PCDHA1: variants seen among roughly 807,000 people sequenced by gnomAD.
PCDHA1 encodes protocadherin alpha-1.
In PCDHA1, 42 loss-of-function variants were observed where a neutral mutation model predicts 61.3. That is an observed-to-expected ratio of 0.69 (90% CI 0.54 to 0.89). The LOEUF is 0.89. Ranked by LOEUF, PCDHA1 falls within the 40% of genes least tolerant of loss-of-function variation. The pLI, the probability that PCDHA1 is intolerant of heterozygous loss-of-function variation, is 0.00. For synonymous variants in PCDHA1, 610 were observed against 553.8 expected (o/e 1.10, Z -1.43); for missense variants, 1,256 against 1,235.3 (o/e 1.02, Z -0.25).
chr5:140,819,945 T>C (rs1197937432), intron 1 of PCDHA1, among the ~76,000 whole-genome samples: 1 of 152,020 alleles, frequency 6.6e-6, no homozygotes, highest in East Asian at 1.9e-4. Flanking sequence ...GCCTTTTAAA[T>C]ACTTAATATT....
At chr5:140,876,637 C>G (rs1554168755) in intron 1 of PCDHA1, 1 of 1,614,088 alleles carries the variant, frequency 6.2e-7, no homozygotes, top group Non-Finnish European at 8.5e-7. Flanking sequence ...CATCTGCTCA[C>G]TGACACCTCA....
chr5:140,842,484 C>T (rs2150337219), intron 1 of PCDHA1: 2 of 1,613,924 alleles, frequency 1.2e-6, no homozygotes, highest in East Asian at 2.2e-5. Context: ...GTGACCTGCT[C>T]CCTGATGCCC....
intron 1 of PCDHA1, chr5:140,850,480 C>A: frequency 6.3e-7 from 1 of 1,597,900 alleles, no homozygotes; most frequent in African/African-American, 1.3e-5. Context: ...CTGACGGCCA[C>A]GGCCACTGTG....
At chr5:140,809,308 G>C in intron 1 of PCDHA1, 6 of 1,614,122 alleles carry the variant, frequency 3.7e-6, no homozygotes, top group Non-Finnish European at 4.2e-6. Flanking sequence ...TCTGCGCGGT[G>C]TCCAGCCTTT....
chr5:140,820,670 A>G (rs2150107563), intron 1 of PCDHA1, among the ~76,000 whole-genome samples: 62 of 152,214 alleles, frequency 4.1e-4, no homozygotes, highest in Admixed American at 2.8e-3. Flanking sequence ...TAATATAAAG[A>G]TAGCCTGGTT....
Position 140,801,018 on chromosome 5 carries a change from A to G in PCDHA1, c.2394+12334A>G. On this transcript the variant is annotated intron_variant, in intron 1 of 3. Transcript: ENST00000504120. ...GTTTAGCCACATGATGTCGCTGTCCACCACAAGGTCTTTCTCCACAAAAGA... is the reference window on the plus strand; with the variant it reads ...GTTTAGCCACATGATGTCGCTGTCCGCCACAAGGTCTTTCTCCACAAAAGA... 2 of 1,417,238 alleles carry G rather than the reference A, an allele frequency of 1.4e-6. 1 individual carries two copies. The highest frequency in any genetic ancestry group is 1.8e-6 in the Non-Finnish European group (2 of 1,090,858). 87.8% of individuals were successfully genotyped at this position (1,417,238 alleles called of 1,614,324 possible). A position where few individuals can be genotyped will look rare whatever the true frequency, so the allele number is the denominator to read the frequency against.
chr5:140,827,936 C>G, intron 1 of PCDHA1: 1 of 1,115,138 alleles, frequency 9.0e-7, no homozygotes, highest in Non-Finnish European at 1.3e-6. Context: ...GAAGTTATAG[C>G]TAGCCAACAT....
intron 1 of PCDHA1, chr5:140,876,926 A>C (rs782589579): frequency 6.2e-7 from 1 of 1,613,842 alleles, no homozygotes; most frequent in East Asian, 2.2e-5. Context: ...GCGGACGCGC[A>C]GAAGAACGCG....
intron 1 of PCDHA1, among the ~76,000 whole-genome samples, chr5:140,920,866 A>G (rs1584205398): frequency 6.6e-6 from 1 of 151,760 alleles, no homozygotes; most frequent in African/African-American, 2.4e-5. Context: ...AAACAAACAA[A>G]CTGTGGCCCT....
chr5:140,801,905 C>G (rs1389986057), intron 1 of PCDHA1: 1 of 1,614,020 alleles, frequency 6.2e-7, no homozygotes, highest in Non-Finnish European at 8.5e-7. Context: ...TAGATGTAAA[C>G]GACAACGCCC....
chr5:140,847,960 C>T (rs1781264454), intron 1 of PCDHA1: 1 of 152,930 alleles, frequency 6.5e-6, no homozygotes. Context: ...ACACTAGAAT[C>T]CTATTTCGAG....
intron 1 of PCDHA1, chr5:140,870,906 C>T (rs201710263): frequency 1.2e-6 from 2 of 1,613,948 alleles, no homozygotes; most frequent in African/African-American, 2.7e-5. Flanking sequence ...CGGACTCAGG[C>T]TACAACGCGT....
At chr5:140,855,043 A>G (rs1177113480) in intron 1 of PCDHA1, among the ~76,000 whole-genome samples, 1 of 150,018 alleles carries the variant, frequency 6.7e-6, no homozygotes, top group African/African-American at 2.4e-5. Flanking sequence ...TTTTTCTGTA[A>G]TAGTACTTTT....
At chr5:140,917,070 G>A (rs528403297) in intron 1 of PCDHA1, among the ~76,000 whole-genome samples, 14 of 152,102 alleles carry the variant, frequency 9.2e-5, no homozygotes, top group Non-Finnish European at 1.9e-4. Context: ...ACAGCACCGA[G>A]TTTAATGTAA....
chr5:140,796,674 T>C, intron 1 of PCDHA1: 2 of 1,613,904 alleles, frequency 1.2e-6, no homozygotes, highest in Non-Finnish European at 1.7e-6. Context: ...CGCCTAGGGC[T>C]GGCACCGCTG....
At position 140,856,108 on chromosome 5, in the gene PCDHA1, C is replaced by T. The variant is rs782347472; in HGVS notation, c.2394+67424C>T. 109 of 1,597,910 alleles carry T rather than the reference C, an allele frequency of 6.8e-5. 10 individuals are homozygous for T. The highest frequency in any genetic ancestry group is 9.3e-5 in the Non-Finnish European group (109 of 1,167,634). ...GTCTGCTGCTCTCGCTTCTTCTCCT[C>T]GCAGCCTGGGAGGTGGGGAGCGGCC... On this transcript the variant is annotated intron_variant, in intron 1 of 3. Transcript: ENST00000504120.
At chr5:141,000,414 TATATA>T (rs1398508145) in intron 3 of PCDHA1, among the ~76,000 whole-genome samples, 89 of 99,526 alleles carry the variant, frequency 8.9e-4, no homozygotes, top group African/African-American at 1.6e-3. Context: ...TATATATATA[TATATA>T]TATTTTTTTT....
chr5:140,915,373 C>T (rs1234241584), intron 1 of PCDHA1, among the ~76,000 whole-genome samples: 12 of 152,126 alleles, frequency 7.9e-5, no homozygotes, highest in African/African-American at 2.2e-4. Flanking sequence ...GTAAGTGTCT[C>T]GGCATTGAAG....
At chr5:140,971,632 A>G (rs1228797401) in intron 1 of PCDHA1, among the ~76,000 whole-genome samples, 2 of 152,158 alleles carry the variant, frequency 1.3e-5, no homozygotes, top group Admixed American at 6.5e-5. Context: ...AATTAGTACC[A>G]TGTGCCTACA....
Sources: allele counts gnomAD v4.1 joint callset (sites outside exome capture counted in the v4.1 genomes callset), GRCh38; gene constraint gnomAD v4.1.1; transcripts MANE v1.5; gene names NCBI Gene and HGNC (gene_info 2026-07-23, HGNC 2026-07-21).